The following KDM4C variants were observed in gnomAD, a reference collection of about 807,000 sequenced individuals.
KDM4C encodes the protein lysine-specific demethylase 4C.
Under a neutral mutation model 129.3 loss-of-function variants are expected in KDM4C, and 81 were observed. The ratio of observed to expected loss-of-function variants is 0.63; its 90% CI spans 0.52 to 0.75. The LOEUF is 0.75. KDM4C is among the 30% of genes least tolerant of loss of function. The pLI is 0.00. For missense variants in KDM4C, 1,457 were observed against 1,304.0 expected (o/e 1.12, Z -1.81); for synonymous variants, 573 against 456.1 (o/e 1.26, Z -3.26).
chr9:6,812,539 T>A (rs941493122), intron 3 of KDM4C, among the ~76,000 whole-genome samples: 2 of 151,902 alleles, frequency 1.3e-5, no homozygotes, highest in African/African-American at 4.8e-5. Flanking sequence ...TCATAAGGAG[T>A]GTGCAACCTA....
intron 17 of KDM4C, among the ~76,000 whole-genome samples, chr9:7,092,770 G>T (rs1277271276): frequency 1.3e-5 from 2 of 152,186 alleles, no homozygotes; most frequent in Admixed American, 6.5e-5. Flanking sequence ...ATGATTGCCA[G>T]TGAGCCAGAA....
chr9:7,037,110 A>T (rs1827788733), intron 15 of KDM4C, among the ~76,000 whole-genome samples: 1 of 152,140 alleles, frequency 6.6e-6, no homozygotes, highest in Admixed American at 6.5e-5. Flanking sequence ...TGTCTTGCTG[A>T]TCAGCACGGG....
intron 10 of KDM4C, among the ~76,000 whole-genome samples, chr9:6,986,099 T>A (rs1817648365): frequency 6.6e-6 from 1 of 152,240 alleles, no homozygotes. Context: ...ACATGGTTCT[T>A]TGCACATTGA....
chr9:6,901,580 A>C (rs1047288283), intron 8 of KDM4C, among the ~76,000 whole-genome samples: 1 of 152,182 alleles, frequency 6.6e-6, no homozygotes, highest in Non-Finnish European at 1.5e-5. Context: ...TTGCGAGGAA[A>C]ATCTTTCCTT....
At chr9:7,043,244 C>G (rs1828884731) in intron 15 of KDM4C, among the ~76,000 whole-genome samples, 1 of 151,936 alleles carries the variant, frequency 6.6e-6, no homozygotes, top group Admixed American at 6.6e-5. Flanking sequence ...TTCTTGATAT[C>G]AAGTTTAATG....
intron 17 of KDM4C, among the ~76,000 whole-genome samples, chr9:7,093,597 C>T (rs909927481): frequency 6.6e-6 from 1 of 152,008 alleles, no homozygotes; most frequent in South Asian, 2.1e-4. Flanking sequence ...GTGTGTGTGT[C>T]CTGGACTCCT....
intron 17 of KDM4C, among the ~76,000 whole-genome samples, chr9:7,056,874 A>T (rs1290109168): frequency 6.6e-6 from 1 of 152,192 alleles, no homozygotes; most frequent in East Asian, 1.9e-4. Context: ...TTGGAGTTTC[A>T]GAGACAGGGT....
chr9:6,771,577 C>G (rs901275904), intron 1 of KDM4C, among the ~76,000 whole-genome samples: 1 of 152,082 alleles, frequency 6.6e-6, no homozygotes, highest in African/African-American at 2.4e-5. Flanking sequence ...TCACAAAGTG[C>G]TGGGATTACA....
chr9:6,856,583 T>TG lies in KDM4C; in HGVS notation c.629+6883_629+6884insG, dbSNP rs1491295273. ...GTGTGTGTGTGTGTGTGTGTGTGTA[T>TG]TTTTTTTTGAGACAGAGTCTCACTC... On this transcript the variant is annotated intron_variant, in intron 5 of 21. Transcript: ENST00000381309. Among the ~76,000 whole-genome samples, 762 of 132,206 alleles carry TG rather than the reference T, an allele frequency of 5.8e-3. 3 individuals carry two copies. The highest frequency in any genetic ancestry group is 0.021 in the African/African-American group (721 of 34,542). 86.7% of individuals were successfully genotyped at this position (132,206 alleles called of 152,430 possible).
chr9:6,922,054 C>A (rs1821620780), intron 8 of KDM4C, among the ~76,000 whole-genome samples: 1 of 152,196 alleles, frequency 6.6e-6, no homozygotes, highest in Non-Finnish European at 1.5e-5. Context: ...TTATTCACAC[C>A]TGTATGCCCA....
At chr9:6,878,804 C>T (rs1028991169) in intron 5 of KDM4C, among the ~76,000 whole-genome samples, 9 of 140,816 alleles carry the variant, frequency 6.4e-5, no homozygotes, top group African/African-American at 2.6e-4. Flanking sequence ...CCCCCACACC[C>T]ACACCCACAC....
intron 17 of KDM4C, among the ~76,000 whole-genome samples, chr9:7,096,969 T>A (rs574907676): frequency 6.6e-6 from 1 of 152,316 alleles, no homozygotes; most frequent in South Asian, 2.1e-4. Context: ...TCCCACCTTT[T>A]CAGCCTGCCA....
chr9:6,817,384 T>C (rs1310152978), intron 4 of KDM4C, among the ~76,000 whole-genome samples: 1 of 151,950 alleles, frequency 6.6e-6, no homozygotes, highest in African/African-American at 2.4e-5. Flanking sequence ...AAAATGTTTT[T>C]TGTAAAGACA....
chr9:6,858,850 C>CT (rs968152380), intron 5 of KDM4C, among the ~76,000 whole-genome samples: 446 of 142,866 alleles, frequency 3.1e-3, no homozygotes, highest in African/African-American at 8.6e-3. Flanking sequence ...TTTGGTATCT[C>CT]TTTTTTTTTT....
At chr9:7,074,974 A>G (rs1231547002) in intron 17 of KDM4C, among the ~76,000 whole-genome samples, 1 of 152,212 alleles carries the variant, frequency 6.6e-6, no homozygotes, top group African/African-American at 2.4e-5. Flanking sequence ...CGAATGGATG[A>G]TTTTCATCCT....
intron 17 of KDM4C, among the ~76,000 whole-genome samples, chr9:7,052,499 T>G (rs1830281393): frequency 6.6e-6 from 1 of 152,212 alleles, no homozygotes; most frequent in African/African-American, 2.4e-5. Context: ...CTTTCCACGG[T>G]TTCTCCTTTA....
chr9:6,827,457 C>G (rs1275355980), intron 4 of KDM4C, among the ~76,000 whole-genome samples: 1 of 152,172 alleles, frequency 6.6e-6, no homozygotes, highest in African/African-American at 2.4e-5. Context: ...TCTTTTCACA[C>G]CAAGGTGTTA....
intron 8 of KDM4C, among the ~76,000 whole-genome samples, chr9:6,895,038 C>T (rs971932181): frequency 2.6e-5 from 4 of 152,124 alleles, no homozygotes; most frequent in African/African-American, 9.7e-5. Flanking sequence ...GCAGTTTTGG[C>T]CAGCTAATTA....
intron 15 of KDM4C, among the ~76,000 whole-genome samples, chr9:7,023,038 A>G (rs189164950): frequency 5.3e-5 from 8 of 152,236 alleles, no homozygotes; most frequent in Admixed American, 1.3e-4. Context: ...GTGTTGTTGA[A>G]TTTGGTTTGC....
Sources: gnomAD v4.1 joint callset for allele counts (sites outside exome capture counted in the v4.1 genomes callset) on GRCh38, gnomAD v4.1.1 for gene constraint, MANE v1.5 for transcripts, NCBI Gene and HGNC (gene_info 2026-07-23, HGNC 2026-07-21) for gene names.